Variants in CTNND2 observed in about 807,000 individuals in gnomAD.
CTNND2 encodes catenin delta-2.
A neutral mutation model predicts 144.4 loss-of-function variants in CTNND2; 22 were observed. The ratio of observed to expected loss-of-function variants is 0.15; its 90% confidence interval spans 0.11 to 0.22. The LOEUF is 0.22. Ranked by LOEUF, CTNND2 falls within the 10% of genes least tolerant of loss-of-function variation. CTNND2 has a pLI of 1.00. For missense variants in CTNND2, 1,353 were observed against 1,618.8 expected, an observed-to-expected ratio of 0.84 and a Z score of 2.82; for synonymous variants, 751 against 695.6, an observed-to-expected ratio of 1.08 and a Z score of -1.25.
At chr5:11,599,419 T>C (rs1779671963) in intron 2 of CTNND2, among the ~76,000 whole-genome samples, 3 of 152,200 alleles carry the variant, frequency 2.0e-5, no homozygotes. Flanking sequence ...TTCTAGAACT[T>C]TTCTGTAGTT....
intron 1 of CTNND2, among the ~76,000 whole-genome samples, chr5:11,798,892 T>C (rs1021182612): frequency 3.9e-5 from 6 of 152,198 alleles, no homozygotes; most frequent in African/African-American, 1.4e-4. Context: ...AAACACAGTA[T>C]AAATCATGAC....
intron 2 of CTNND2, among the ~76,000 whole-genome samples, chr5:11,605,154 C>A (rs1183003701): frequency 1.3e-5 from 2 of 152,180 alleles, no homozygotes; most frequent in South Asian, 4.1e-4. Context: ...GTCAAGGGCT[C>A]AGTGAGATGC....
intron 5 of CTNND2, among the ~76,000 whole-genome samples, chr5:11,404,602 C>CTTTTTTTTTTTTTTTTTTTTTT (rs555388304): frequency 1.7e-5 from 1 of 57,368 alleles, no homozygotes; most frequent in African/African-American, 4.2e-5. Flanking sequence ...TATCTGTATT[C>CTTTTTTTTTTTTTTTTTTTTTT]TTTTTTTTTT....
intron 16 of CTNND2, among the ~76,000 whole-genome samples, chr5:11,046,824 TAAAACAAAACAAAAC>T (rs532384218): frequency 1.3e-5 from 2 of 151,912 alleles, no homozygotes; most frequent in African/African-American, 2.4e-5. Flanking sequence ...CCAAATCTGT[TAAAACAAAACAAAAC>T]AAAACAAAAC....
intron 2 of CTNND2, among the ~76,000 whole-genome samples, chr5:11,566,595 A>G (rs970565678): frequency 1.3e-5 from 2 of 152,220 alleles, no homozygotes; most frequent in African/African-American, 4.8e-5. Context: ...AACTCCTCAC[A>G]TGTCGATGGA....
intron 6 of CTNND2, among the ~76,000 whole-genome samples, chr5:11,386,203 T>TC (rs1260867787): frequency 6.6e-6 from 1 of 152,120 alleles, no homozygotes; most frequent in Non-Finnish European, 1.5e-5. Context: ...TTCCAGGCTT[T>TC]CCCCGGGGAG....
At chr5:11,091,552 G>A (rs1383321706) in intron 15 of CTNND2, among the ~76,000 whole-genome samples, 6 of 152,132 alleles carry the variant, frequency 3.9e-5, no homozygotes, top group Non-Finnish European at 8.8e-5. Flanking sequence ...TTTGTTGGGT[G>A]CTGAATATTT....
intron 1 of CTNND2, among the ~76,000 whole-genome samples, chr5:11,838,737 G>A (rs1292918944): frequency 6.6e-6 from 1 of 152,112 alleles, no homozygotes; most frequent in Non-Finnish European, 1.5e-5. Flanking sequence ...CAATTTAAGA[G>A]ATAAATTTTT....
At chr5:11,819,208 C>T (rs571805088) in intron 1 of CTNND2, among the ~76,000 whole-genome samples, 14 of 152,138 alleles carry the variant, frequency 9.2e-5, no homozygotes, top group Admixed American at 5.9e-4. Flanking sequence ...CTGAGGCCGG[C>T]GGATCACTGG....
In CTNND2 at chr5:11,072,318, A is replaced by C. The variant is rs147958156; in HGVS notation, c.2788+10378T>G. The stretch of plus-strand genomic sequence containing the variant: ...CATCAGCCCAGGCTATACTGCCTGA[A>C]GTTCAGTAGCCTACATCAAATGATA... On this transcript the variant is annotated intron_variant, in intron 16 of 21. Transcript: ENST00000304623. 8.2e-4 allele frequency among the ~76,000 whole-genome samples: 125 copies of C among 152,320 alleles called. No homozygotes were observed. In the East Asian group the frequency reaches 0.019, roughly 23 times the overall value.
intron 2 of CTNND2, among the ~76,000 whole-genome samples, chr5:11,646,642 A>ACCC (rs879796180): frequency 0.13 from 9,943 of 77,120 alleles, 665 homozygotes; most frequent in East Asian, 0.42. Flanking sequence ...AATATCAAGT[A>ACCC]AATTTCGTTT....
At chr5:11,218,570 G>GA (rs932146120) in intron 10 of CTNND2, among the ~76,000 whole-genome samples, 6 of 151,742 alleles carry the variant, frequency 4.0e-5, no homozygotes, top group Non-Finnish European at 1.5e-5. Flanking sequence ...AACTAGGATT[G>GA]AAAAAAAAGG....
intron 2 of CTNND2, among the ~76,000 whole-genome samples, chr5:11,589,985 T>C (rs1030038230): frequency 2.7e-4 from 41 of 152,292 alleles, no homozygotes; most frequent in African/African-American, 9.9e-4. Context: ...AAAAGGGCTG[T>C]ATTTAGTATT....
chr5:11,696,276 A>T (rs1018175906), intron 2 of CTNND2, among the ~76,000 whole-genome samples: 1 of 143,112 alleles, frequency 7.0e-6, no homozygotes, highest in Admixed American at 6.6e-5. Context: ...TAATTTTCAC[A>T]TGTCATGAAA....
rs186419525 is a variant in CTNND2 at position 11,367,954 on chromosome 5, C to T, written c.1178-3064G>A. Among the ~76,000 whole-genome samples, 14 of 152,286 alleles carry T rather than the reference C, an allele frequency of 9.2e-5. No homozygotes were observed. In the East Asian group the frequency reaches 2.3e-3, roughly 25 times the overall value. ...CAATTCCTACATCATCCAGCATTAA[C>T]GTCTCAATTTTATAATAGGGTTTTG... On this transcript the variant is annotated intron_variant, in intron 7 of 21. Transcript: ENST00000304623.
At chr5:11,752,550 T>A (rs1788682794) in intron 1 of CTNND2, among the ~76,000 whole-genome samples, 1 of 151,574 alleles carries the variant, frequency 6.6e-6, no homozygotes, top group African/African-American at 2.4e-5. Context: ...TTCTTTTTTT[T>A]TTTTTCTTTT....
chr5:11,620,679 A>G (rs1274510192), intron 2 of CTNND2, among the ~76,000 whole-genome samples: 2 of 152,146 alleles, frequency 1.3e-5, no homozygotes, highest in East Asian at 1.9e-4. Context: ...TGCCTGAGTT[A>G]TAATAAAACT....
intron 9 of CTNND2, among the ~76,000 whole-genome samples, chr5:11,294,406 T>C (rs1748683719): frequency 6.6e-6 from 1 of 152,206 alleles, no homozygotes; most frequent in African/African-American, 2.4e-5. Flanking sequence ...GACATGGTTA[T>C]TCAGTCTTGG....
intron 11 of CTNND2, among the ~76,000 whole-genome samples, chr5:11,189,353 C>A (rs1261383565): frequency 6.6e-6 from 1 of 152,162 alleles, no homozygotes; most frequent in East Asian, 1.9e-4. Context: ...TGACTTTGAA[C>A]AACATGGTTT....
Sources: allele counts gnomAD v4.1 joint callset (sites outside exome capture counted in the v4.1 genomes callset), GRCh38; gene constraint gnomAD v4.1.1; transcripts MANE v1.5; gene names NCBI Gene and HGNC (gene_info 2026-07-23, HGNC 2026-07-21).